POGZ: variants seen among roughly 807,000 people sequenced by gnomAD.
The protein encoded by POGZ is pogo transposable element with ZNF domain.
Under a neutral mutation model 134.6 loss-of-function variants are expected in POGZ, and 17 were observed. The observed-to-expected ratio is 0.13, with a 90% CI of 0.09 to 0.19. The LOEUF is 0.19. Among genes scored for constraint, POGZ ranks in the 10% least tolerant of loss-of-function variants. POGZ has a pLI of 1.00. For synonymous variants in POGZ, 693 were observed against 657.1 expected, an observed-to-expected ratio of 1.05 and a Z score of -0.84; for missense variants, 1,306 against 1,769.7, an observed-to-expected ratio of 0.74 and a Z score of 4.70.
chr1:151,409,496 C>T (rs1162328110), intron 12 of POGZ, among the ~76,000 whole-genome samples: 2 of 152,114 alleles, frequency 1.3e-5, no homozygotes. Context: ...CCACCACGCC[C>T]GGCTACTTTT....
chr1:151,410,472 C>T (rs1455086286), intron 12 of POGZ, among the ~76,000 whole-genome samples: 5 of 152,142 alleles, frequency 3.3e-5, no homozygotes, highest in East Asian at 1.9e-4. Context: ...TTCTTTAAAA[C>T]ACTTTCTTCT....
chr1:151,417,896 T>C lies in POGZ; in HGVS notation c.1679-5500A>G, dbSNP rs907791715. ...AAAGGTATCTGCACTCCCATGTTTATTGCTGCACAGTTCACAATAGGCAAA... is the reference window on the plus strand; with the variant it reads ...AAAGGTATCTGCACTCCCATGTTTACTGCTGCACAGTTCACAATAGGCAAA... On this transcript the variant is annotated intron_variant, in intron 10 of 18. Coordinates refer to ENST00000271715, the MANE Select transcript of POGZ (RefSeq NM_015100.4). Among the ~76,000 whole-genome samples the C allele has an allele frequency of 2.6e-5, 4 of 152,212 alleles. No homozygotes were observed. The East Asian group carries it at 5.8e-4, about 22-fold the overall frequency.
intron 12 of POGZ, among the ~76,000 whole-genome samples, chr1:151,410,037 T>G (rs1654395013): frequency 6.6e-6 from 1 of 152,204 alleles, no homozygotes; most frequent in African/African-American, 2.4e-5. Flanking sequence ...ATAGGGTACA[T>G]ATGTTTGTGT....
intron 1 of POGZ, among the ~76,000 whole-genome samples, chr1:151,443,490 G>A (rs768090873): frequency 1.3e-5 from 2 of 152,122 alleles, no homozygotes; most frequent in Non-Finnish European, 2.9e-5. Flanking sequence ...ACCTGAGGTC[G>A]GATCACCTGA....
intron 10 of POGZ, among the ~76,000 whole-genome samples, chr1:151,417,416 A>C (rs1465966037): frequency 1.3e-5 from 2 of 149,076 alleles, no homozygotes. Context: ...GCTGTAGTGC[A>C]ATGGTGTGAT....
intron 12 of POGZ, among the ~76,000 whole-genome samples, chr1:151,411,335 T>C (rs995847390): frequency 2.0e-5 from 3 of 152,222 alleles, no homozygotes; most frequent in Non-Finnish European, 4.4e-5. Context: ...ACAACACTTC[T>C]TTCTGGAAGC....
chr1:151,447,887 G>A (rs952320190), intron 1 of POGZ, among the ~76,000 whole-genome samples: 1 of 151,916 alleles, frequency 6.6e-6, no homozygotes, highest in African/African-American at 2.4e-5. Flanking sequence ...GAGTCCTTCT[G>A]ACACAACCCT....
Position 151,446,254 on chromosome 1 carries a change from G to GAAAAAA in POGZ, c.-1-4055_-1-4050dup, listed in dbSNP as rs142998370. On this transcript the variant is annotated intron_variant, in intron 1 of 18. Coordinates refer to ENST00000271715, the MANE Select transcript of POGZ (RefSeq NM_015100.4). ...TTCCATACCAAATCTTTCTCATAAG[G>GAAAAAA]AAAAAAAAAAAAAAAAAAAACGAAT... 1.3e-3 allele frequency among the ~76,000 whole-genome samples: 51 copies of GAAAAAA among 39,188 alleles called. 2 individuals are homozygous for GAAAAAA. Among genetic ancestry groups the GAAAAAA allele is most frequent in the African/African-American group, 3.0e-3 (47 of 15,700 alleles). The allele number at this position is 39,188 out of a possible 152,430, so 25.7% of individuals were successfully genotyped here.
At chr1:151,453,147 C>T (rs1366495899) in intron 1 of POGZ, among the ~76,000 whole-genome samples, 2 of 151,896 alleles carry the variant, frequency 1.3e-5, no homozygotes, top group African/African-American at 4.8e-5. Context: ...GTCTTGAACT[C>T]CTGACCTTGT....
At chr1:151,447,530 C>T (rs1275103625) in intron 1 of POGZ, among the ~76,000 whole-genome samples, 2 of 151,676 alleles carry the variant, frequency 1.3e-5, no homozygotes, top group Non-Finnish European at 2.9e-5. Flanking sequence ...CAGCTCACTG[C>T]AACCTCCACC....
chr1:151,436,944 A>C (rs1659683742), intron 3 of POGZ, among the ~76,000 whole-genome samples: 1 of 152,186 alleles, frequency 6.6e-6, no homozygotes, highest in African/African-American at 2.4e-5. Flanking sequence ...CTGTAATCTC[A>C]GCACTTTGGT....
At chr1:151,413,755 C>A (rs1001328392) in intron 10 of POGZ, among the ~76,000 whole-genome samples, 11 of 152,100 alleles carry the variant, frequency 7.2e-5, no homozygotes, top group African/African-American at 2.7e-4. Context: ...TCATGGCTCA[C>A]TGCAACCCTG....
At chr1:151,427,757 A>G in intron 7 of POGZ, 66 bp downstream of exon 7, 2 of 1,040,310 alleles carry the variant, frequency 1.9e-6, no homozygotes, top group South Asian at 2.6e-5. Flanking sequence ...TAAAGCTCTG[A>G]TACAACAAAC....
rs778586294 is a variant in POGZ, at chr1:151,408,028, AAAAGAAG to A, written c.2375+65_2375+71del. The A allele has an allele frequency of 2.5e-3, 1,233 of 494,700 alleles. 3 individuals are homozygous for A. In the East Asian group the frequency reaches 0.035, roughly 14 times the overall value. The allele number at this position is 494,700 out of a possible 1,614,324, so 30.6% of individuals were successfully genotyped here. On this transcript the variant is annotated intron_variant, in intron 15 of 18. Coordinates refer to ENST00000271715, the MANE Select transcript of POGZ (RefSeq NM_015100.4). ...CCCTGTCTTCAAAAAAAAAAAAAAA[AAAAGAAG>A]AAGAAGAAGAAGAAAAAAAGAATCT...
intron 15 of POGZ, among the ~76,000 whole-genome samples, chr1:151,407,613 A>G (rs1025162554): frequency 6.6e-6 from 1 of 152,210 alleles, no homozygotes; most frequent in African/African-American, 2.4e-5. Context: ...AAAACCGAAA[A>G]AACAGAGCCT....
At chr1:151,413,599 C>T (rs1453135691) in intron 10 of POGZ, among the ~76,000 whole-genome samples, 1 of 151,974 alleles carries the variant, frequency 6.6e-6, no homozygotes, top group Non-Finnish European at 1.5e-5. Context: ...AACCTCCCCC[C>T]GCCCCCAGCC....
At position 151,404,615 on chromosome 1, in the gene POGZ, T is replaced by C; in HGVS notation, c.*187A>G. 7.4e-7 allele frequency: 1 copy of C among 1,354,978 alleles called. No individual in the cohort carries two copies. Among genetic ancestry groups the C allele is most frequent in the Non-Finnish European group, 9.4e-7 (1 of 1,058,266 alleles). 83.9% of individuals were successfully genotyped at this position (1,354,978 alleles called of 1,614,324 possible). The stretch of plus-strand genomic sequence containing the variant: ...AGCTCCTTGGCTCAGACGTGATTAC[T>C]ATTGGTTTTCCTAATTAATCCACAA... On this transcript the variant is annotated 3_prime_UTR_variant, in exon 19 of 19. Transcript: ENST00000271715.
intron 1 of POGZ, among the ~76,000 whole-genome samples, chr1:151,446,755 C>CAAAAAAAA (rs11309351): frequency 1.4e-5 from 1 of 70,714 alleles, no homozygotes; most frequent in Non-Finnish European, 2.4e-5. Flanking sequence ...GACTCCATCT[C>CAAAAAAAA]AAAAAAAAAA....
intron 7 of POGZ, 115 bp from the exon 8 acceptor site, chr1:151,425,176 C>A: frequency 3.2e-6 from 2 of 623,378 alleles, no homozygotes; most frequent in Non-Finnish European, 3.0e-6. Context: ...GGTAAGCAAG[C>A]ATGAGAGATC....
Sources: allele counts gnomAD v4.1 joint callset (sites outside exome capture counted in the v4.1 genomes callset), GRCh38; gene constraint gnomAD v4.1.1; transcripts MANE v1.5; gene names NCBI Gene and HGNC (gene_info 2026-07-23, HGNC 2026-07-21).